DNM3: variants seen among roughly 807,000 people sequenced by gnomAD.
DNM3 encodes dynamin-3.
Under a neutral mutation model 101.6 loss-of-function variants are expected in DNM3, and 47 were observed. The ratio of observed to expected loss-of-function variants is 0.46; its 90% CI spans 0.37 to 0.59. The LOEUF is 0.59. Ranked by LOEUF, DNM3 falls within the 20% of genes least tolerant of loss-of-function variation. DNM3 has a pLI of 0.00. For missense variants in DNM3, 849 were observed against 1,085.7 expected, an observed-to-expected ratio of 0.78 and a Z score of 3.06; for synonymous variants, 385 against 387.9, an observed-to-expected ratio of 0.99 and a Z score of 0.09.
At chr1:172,023,561 T>C (rs1005987184) in intron 4 of DNM3, among the ~76,000 whole-genome samples, 23 of 152,304 alleles carry the variant, frequency 1.5e-4, no homozygotes, top group South Asian at 4.1e-4. Flanking sequence ...GTCTTTTCTT[T>C]AACTTCTCTG....
chr1:172,056,033 G>T (rs953028225), intron 10 of DNM3, among the ~76,000 whole-genome samples: 2 of 152,224 alleles, frequency 1.3e-5, no homozygotes, highest in Non-Finnish European at 1.5e-5. Context: ...CACTCCGGAA[G>T]TGCAAGGGGT....
chr1:172,021,884 TA>T (rs1283605246), intron 4 of DNM3, among the ~76,000 whole-genome samples: 1 of 152,238 alleles, frequency 6.6e-6, no homozygotes, highest in Non-Finnish European at 1.5e-5. Context: ...AGAACTGTGT[TA>T]AATTATTCTT....
intron 17 of DNM3, among the ~76,000 whole-genome samples, chr1:172,350,368 A>G (rs939231013): frequency 6.6e-6 from 1 of 151,642 alleles, no homozygotes; most frequent in African/African-American, 2.4e-5. Flanking sequence ...TATGTGGAAT[A>G]TTCTTACAGC....
intron 18 of DNM3, 72 bp from the exon 19 acceptor site, chr1:172,387,061 C>A: frequency 7.6e-7 from 1 of 1,310,716 alleles, no homozygotes; most frequent in Non-Finnish European, 1.1e-6. Flanking sequence ...CTCTGACTGC[C>A]ACAGCCATGT....
In DNM3 at chr1:172,387,326, C is replaced by T; in HGVS notation, c.2252C>T (p.Pro751Leu). The T allele has an allele frequency of 6.2e-7, 1 of 1,613,812 alleles. No individual in the cohort carries two copies. ...TATVSTPAPP[P>L]VDDSWIQHSR... Reference sequence around the variant, plus strand: ...ACCGTGTCCACTCCGGCACCCCCTCCAGTGGATGACTCCTGGATACAGCAC... The same window carrying T: ...ACCGTGTCCACTCCGGCACCCCCTCTAGTGGATGACTCCTGGATACAGCAC... Residue 751 changes from proline to leucine, a missense_variant, in exon 19 of 21, where the codon CCA becomes CTA. By Grantham distance (98) the Pro-to-Leu change is moderately conservative. This residue lies in a region of DNM3 where 256 missense variants were observed against 311.7 expected (regional missense o/e 0.82). Coordinates refer to ENST00000627582, the MANE Select transcript of DNM3 (RefSeq NM_015569.5).
At position 172,181,531 on chromosome 1, in the gene DNM3, C is replaced by A. The variant is rs116467914; in HGVS notation, c.1659+50243C>A. Among the ~76,000 whole-genome samples, 1,339 of 152,054 alleles carry A rather than the reference C, an allele frequency of 8.8e-3. 16 individuals carry two copies. The highest frequency in any genetic ancestry group is 0.029 in the African/African-American group (1,200 of 41,482). ...GTCAATGCCTGATATTAAACAGAAA[C>A]GAACTATGTGACTATGCTTTCCTTT... On this transcript the variant is annotated intron_variant, in intron 14 of 20. Transcript: ENST00000627582.
chr1:171,884,173 T>G (rs1558210944), intron 1 of DNM3, among the ~76,000 whole-genome samples: 1 of 152,228 alleles, frequency 6.6e-6, no homozygotes, highest in Non-Finnish European at 1.5e-5. Flanking sequence ...AGTTTGTTAG[T>G]GGAAACAGAA....
chr1:172,137,932 A>G (rs1350992790), intron 14 of DNM3: 1 of 152,160 alleles, frequency 6.6e-6, no homozygotes, highest in Non-Finnish European at 1.5e-5. Context: ...TTTCAAGTGC[A>G]TTAACCACTT....
At chr1:171,902,540 C>G (rs2038450804) in intron 1 of DNM3, among the ~76,000 whole-genome samples, 1 of 152,032 alleles carries the variant, frequency 6.6e-6, no homozygotes, top group South Asian at 2.1e-4. Flanking sequence ...GTTGTTGACT[C>G]TACAGAAATG....
chr1:172,150,494 T>C (rs1164678128), intron 14 of DNM3, among the ~76,000 whole-genome samples: 2 of 152,172 alleles, frequency 1.3e-5, no homozygotes, highest in African/African-American at 4.8e-5. Flanking sequence ...TTTAGAGGTT[T>C]GTTTTGTTTA....
At chr1:172,098,752 T>C (rs963366759) in intron 13 of DNM3, among the ~76,000 whole-genome samples, 2 of 152,378 alleles carry the variant, frequency 1.3e-5, no homozygotes. Flanking sequence ...CAATTTATGT[T>C]CTTCTGCCAT....
chr1:172,266,858 T>G (rs2062879832), intron 15 of DNM3, among the ~76,000 whole-genome samples: 1 of 152,150 alleles, frequency 6.6e-6, no homozygotes, highest in Non-Finnish European at 1.5e-5. Flanking sequence ...GACCTAGAGT[T>G]CATTGTACTG....
intron 13 of DNM3, among the ~76,000 whole-genome samples, chr1:172,100,130 A>G (rs2054533813): frequency 6.6e-6 from 1 of 152,206 alleles, no homozygotes; most frequent in South Asian, 2.1e-4. Context: ...CAAGCTTATT[A>G]TCAGTTTTGT....
At chr1:172,234,693 C>T (rs1353094987) in intron 14 of DNM3, among the ~76,000 whole-genome samples, 1 of 151,824 alleles carries the variant, frequency 6.6e-6, no homozygotes. Context: ...GAGATATAGA[C>T]CAATGGAACA....
At position 171,934,186 on chromosome 1, in the gene DNM3, A is replaced by AAAAGATTTT. The variant is rs1156905213; in HGVS notation, c.235+12370_235+12378dup. 3.9e-5 allele frequency among the ~76,000 whole-genome samples: 6 copies of AAAAGATTTT among 152,276 alleles called. No homozygotes were observed. In the South Asian group the frequency reaches 1.0e-3, roughly 26 times the overall value. On this transcript the variant is annotated intron_variant, in intron 2 of 20. Transcript: ENST00000627582. ...AGGAATTATTTTATTTTAGATTTTAAAAAGATTTTAAAGCATAACAAATAG... is the reference window on the plus strand; with the variant it reads ...AGGAATTATTTTATTTTAGATTTTAAAAAGATTTTAAAGATTTTAAAGCATAACAAATAG...
At chr1:172,032,945 T>C (rs963513567) in intron 5 of DNM3, among the ~76,000 whole-genome samples, 160 bp from the exon 6 acceptor site, 2 of 152,258 alleles carry the variant, frequency 1.3e-5, no homozygotes, top group Non-Finnish European at 1.5e-5. Context: ...CAGCCTGTAT[T>C]CAATACTGAT....
At chr1:171,858,866 C>A (rs561632164) in intron 1 of DNM3, among the ~76,000 whole-genome samples, 1 of 152,284 alleles carries the variant, frequency 6.6e-6, no homozygotes, top group Non-Finnish European at 1.5e-5. Flanking sequence ...TGAAACTGAT[C>A]ATCTGTGCTT....
At chr1:172,388,252 G>T (rs143792917) in intron 19 of DNM3, among the ~76,000 whole-genome samples, 1 of 151,966 alleles carries the variant, frequency 6.6e-6, no homozygotes, top group Non-Finnish European at 1.5e-5. Context: ...AAAAAAGGAG[G>T]TTGTAGAAGA....
At chr1:172,339,429 A>G (rs1346812942) in intron 17 of DNM3, among the ~76,000 whole-genome samples, 2 of 152,192 alleles carry the variant, frequency 1.3e-5, no homozygotes, top group Non-Finnish European at 2.9e-5. Flanking sequence ...TGGCCTCATT[A>G]TCAGCATTAG....
Sources: gnomAD v4.1 joint callset for allele counts (sites outside exome capture counted in the v4.1 genomes callset) on GRCh38, gnomAD v4.1.1 for gene constraint, gnomAD v4.1.1 regional missense constraint, MANE v1.5 for transcripts, NCBI Gene and HGNC (gene_info 2026-07-23, HGNC 2026-07-21) for gene names.